Variants in VRK2 observed in about 807,000 individuals in gnomAD.
The protein encoded by VRK2 is VRK serine/threonine kinase 2.
In VRK2, 60 loss-of-function variants were observed where a neutral mutation model predicts 57.6. That is an observed-to-expected ratio of 1.04 (90% CI 0.85 to 1.29). VRK2 has a LOEUF of 1.29. Among genes scored for constraint, VRK2 ranks in the 50% most tolerant of loss-of-function variants. The pLI is 0.00. For synonymous variants in VRK2, 231 were observed against 199.2 expected, an observed-to-expected ratio of 1.16 and a Z score of -1.35; for missense variants, 705 against 588.1, an observed-to-expected ratio of 1.20 and a Z score of -2.06.
chr2:57,911,848 C>T (rs1032297902), intron 1 of VRK2, among the ~76,000 whole-genome samples: 1 of 152,082 alleles, frequency 6.6e-6, no homozygotes, highest in Non-Finnish European at 1.5e-5. Context: ...TTTTTAGGAC[C>T]TAGCAAAACA....
At position 58,092,324 on chromosome 2, in the gene VRK2, T is replaced by G. The variant is rs145795497; in HGVS notation, c.543+2601T>G. On this transcript the variant is annotated intron_variant, in intron 7 of 12. Transcript: ENST00000340157. Reference sequence around the variant, plus strand: ...TTTCCTTCACTTAACATAATGCTTTTGAGATTTATCTTTGTAGGTCATTAG... The same window carrying G: ...TTTCCTTCACTTAACATAATGCTTTGGAGATTTATCTTTGTAGGTCATTAG... Among the ~76,000 whole-genome samples the G allele has an allele frequency of 3.5e-3, 528 of 152,304 alleles. 4 individuals carry two copies. Among genetic ancestry groups the G allele is most frequent in the South Asian group, 9.5e-3 (46 of 4,828 alleles).
At chr2:57,920,060 G>A (rs989595617) in intron 1 of VRK2, among the ~76,000 whole-genome samples, 13 of 152,006 alleles carry the variant, frequency 8.6e-5, no homozygotes, top group Admixed American at 7.9e-4. Context: ...GATTTTTGGT[G>A]TTGAGAATCT....
chr2:58,048,197 C>T (rs1283131068), intron 1 of VRK2, among the ~76,000 whole-genome samples: 1 of 152,174 alleles, frequency 6.6e-6, no homozygotes, highest in East Asian at 1.9e-4. Flanking sequence ...GGACTGTTTT[C>T]ACTGTGATAA....
intron 1 of VRK2, among the ~76,000 whole-genome samples, chr2:58,008,410 C>A (rs1412432486): frequency 1.3e-5 from 2 of 151,876 alleles, no homozygotes; most frequent in Non-Finnish European, 1.5e-5. Flanking sequence ...CAAAGGAAAA[C>A]AGACAAATCC....
intron 2 of VRK2, among the ~76,000 whole-genome samples, chr2:58,057,081 C>T (rs2165100): frequency 0.064 from 9,758 of 152,188 alleles, 1,048 homozygotes; most frequent in African/African-American, 0.22. Context: ...TTTCCCCCAA[C>T]ATGTGTGCAC....
chr2:58,120,885 C>G (rs1677396912), intron 7 of VRK2, among the ~76,000 whole-genome samples: 1 of 152,182 alleles, frequency 6.6e-6, no homozygotes, highest in Non-Finnish European at 1.5e-5. Context: ...TGGTACTTTT[C>G]TACTGTCTCA....
At position 58,019,267 on chromosome 2, in the gene VRK2, T is replaced by C. The variant is rs377442366; in HGVS notation, c.-438-6398T>C. 3.3e-4 allele frequency among the ~76,000 whole-genome samples: 51 copies of C among 152,348 alleles called. No homozygotes were observed. The South Asian group carries it at 9.7e-3, about 29-fold the overall frequency. On this transcript the variant is annotated intron_variant, in intron 1 of 15. Transcript: ENST00000417641. Reference sequence around the variant, plus strand: ...GCAACACTAAGAATACAAGTAACTATTAATACTTTAAGTGTCAGGGTAGTG... The same window carrying C: ...GCAACACTAAGAATACAAGTAACTACTAATACTTTAAGTGTCAGGGTAGTG...
intron 12 of VRK2, chr2:58,147,328 A>G (rs1052619439): frequency 2.2e-5 from 8 of 360,016 alleles, no homozygotes; most frequent in Non-Finnish European, 3.9e-5. Flanking sequence ...ACTAATAGCA[A>G]TCTTTTACAT....
intron 12 of VRK2, chr2:58,154,950 A>T: frequency 2.0e-6 from 1 of 500,212 alleles, no homozygotes; most frequent in Non-Finnish European, 3.6e-6. Flanking sequence ...ATTCCCAAGT[A>T]TCTGAAGATT....
At chr2:57,944,419 T>C (rs562793444) in intron 1 of VRK2, among the ~76,000 whole-genome samples, 2 of 152,240 alleles carry the variant, frequency 1.3e-5, no homozygotes, top group South Asian at 4.1e-4. Context: ...CTTAGAAGTA[T>C]TAGGATAGAA....
chr2:57,986,573 C>A (rs1414342127), intron 1 of VRK2, among the ~76,000 whole-genome samples: 1 of 151,438 alleles, frequency 6.6e-6, no homozygotes, highest in Non-Finnish European at 1.5e-5. Flanking sequence ...CAGAAATAGA[C>A]CCACTAATAC....
intron 1 of VRK2, among the ~76,000 whole-genome samples, chr2:57,912,918 C>T (rs1161828482): frequency 6.6e-6 from 1 of 152,112 alleles, no homozygotes; most frequent in Non-Finnish European, 1.5e-5. Flanking sequence ...GGAATTAGTG[C>T]TCTTATTAAA....
At chr2:58,017,914 T>C (rs1188314419) in intron 1 of VRK2, 1 of 152,240 alleles carries the variant, frequency 6.6e-6, no homozygotes, top group Non-Finnish European at 1.5e-5. Flanking sequence ...AAAATATTCG[T>C]AGTACATACT....
intron 2 of VRK2, among the ~76,000 whole-genome samples, chr2:58,055,123 A>G (rs1041171020): frequency 2.0e-5 from 3 of 152,144 alleles, no homozygotes; most frequent in Non-Finnish European, 4.4e-5. Flanking sequence ...TAACAGGAGG[A>G]TCTTCTGGCA....
chr2:58,005,272 C>G (rs1010392036), intron 1 of VRK2, among the ~76,000 whole-genome samples: 1 of 152,066 alleles, frequency 6.6e-6, no homozygotes, highest in African/African-American at 2.4e-5. Flanking sequence ...AAAATATTAT[C>G]TAAATAGATT....
At chr2:58,137,071 ATATATAACATATATATGTG>A in intron 10 of VRK2, among the ~76,000 whole-genome samples, 1 of 111,354 alleles carries the variant, frequency 9.0e-6, no homozygotes, top group African/African-American at 3.7e-5. Context: ...ATCATATATC[ATATATAACATATATATGTG>A]TATATATCAT....
chr2:58,025,036 T>C (rs1673881000), intron 1 of VRK2, among the ~76,000 whole-genome samples: 1 of 152,204 alleles, frequency 6.6e-6, no homozygotes, highest in Non-Finnish European at 1.5e-5. Flanking sequence ...GTACGCTTCA[T>C]ATGGTCATTC....
intron 1 of VRK2, among the ~76,000 whole-genome samples, chr2:57,981,560 T>G (rs1221256972): frequency 6.6e-6 from 1 of 152,208 alleles, no homozygotes; most frequent in Non-Finnish European, 1.5e-5. Context: ...TTCCCTGAAT[T>G]TTATGATTTG....
chr2:58,007,236 C>G lies in VRK2; in HGVS notation c.-438-18429C>G, dbSNP rs540997042. Among the ~76,000 whole-genome samples the G allele has an allele frequency of 5.9e-5, 9 of 151,852 alleles. No individual in the cohort carries two copies. The East Asian group carries it at 1.5e-3, about 26-fold the overall frequency. Reference sequence around the variant, plus strand: ...TCTCTCCCTCTCTCTCTCTCTCTCTCTCTCATATATATGTATGTACATATA... The same window carrying G: ...TCTCTCCCTCTCTCTCTCTCTCTCTGTCTCATATATATGTATGTACATATA... On this transcript the variant is annotated intron_variant, in intron 1 of 15. Coordinates refer to the VRK2 transcript ENST00000417641.
Sources: allele counts gnomAD v4.1 joint callset (sites outside exome capture counted in the v4.1 genomes callset), GRCh38; gene constraint gnomAD v4.1.1; transcripts MANE v1.5; gene names NCBI Gene and HGNC (gene_info 2026-07-23, HGNC 2026-07-21).